MGMT: variants seen among roughly 807,000 people sequenced by gnomAD.
MGMT encodes the protein O-6-methylguanine-DNA methyltransferase.
MGMT carries 14 observed loss-of-function variants against 15.9 expected under a neutral mutation model. The observed-to-expected ratio is 0.88, with a 90% confidence interval of 0.58 to 1.37. The LOEUF (loss-of-function observed/expected upper bound fraction) is 1.37. Ranked by LOEUF, MGMT falls within the 40% of genes most tolerant of loss-of-function variation. The pLI, the probability that MGMT is intolerant of heterozygous loss-of-function variation, is 0.00. For synonymous variants in MGMT, 130 were observed against 118.2 expected (o/e 1.10, Z -0.65); for missense variants, 282 against 268.1 (o/e 1.05, Z -0.36).
chr10:129,715,379 G>A (rs1187216215), intron 3 of MGMT: 2 of 152,328 alleles, frequency 1.3e-5, no homozygotes, highest in East Asian at 3.9e-4. Context: ...TGCCTGTGAG[G>A]AAATGTAAAT....
chr10:129,490,389 A>G (rs1845457605), intron 1 of MGMT, among the ~76,000 whole-genome samples: 1 of 152,208 alleles, frequency 6.6e-6, no homozygotes, highest in African/African-American at 2.4e-5. Context: ...TTACTTGGCC[A>G]CTAAGAATCA....
chr10:129,714,669 C>T (rs7081359), intron 3 of MGMT, among the ~76,000 whole-genome samples: 58,813 of 152,068 alleles, frequency 0.39, 11,823 homozygotes, highest in East Asian at 0.54. Flanking sequence ...GATGTAGCTC[C>T]TATGAATGCT....
chr10:129,587,946 T>C (rs567556879), intron 2 of MGMT, among the ~76,000 whole-genome samples: 86 of 152,210 alleles, frequency 5.7e-4, no homozygotes, highest in Non-Finnish European at 1.0e-3. Context: ...GGGTGCTAGG[T>C]TATTTATTTA....
At chr10:129,564,907 C>T (rs1201917050) in intron 2 of MGMT, among the ~76,000 whole-genome samples, 1 of 152,084 alleles carries the variant, frequency 6.6e-6, no homozygotes, top group Non-Finnish European at 1.5e-5. Context: ...ATGGCCACTG[C>T]CCTCAGGGTC....
chr10:129,736,860 T>C (rs1457331697), intron 3 of MGMT, among the ~76,000 whole-genome samples: 27 of 147,622 alleles, frequency 1.8e-4, no homozygotes, highest in Non-Finnish European at 2.9e-4. Flanking sequence ...TTGAAAATTC[T>C]TTTCTTTAAG....
rs149985297 is a variant in MGMT, at chr10:129,534,527, G to T, written c.-12-1714G>T. ...TCTACAAAACACTTGTGTAGTTTGCGGTCCGCTGCCCGACCCTGGTCCCTT... is the reference window on the plus strand; with the variant it reads ...TCTACAAAACACTTGTGTAGTTTGCTGTCCGCTGCCCGACCCTGGTCCCTT... On this transcript the variant is annotated intron_variant, in intron 1 of 4. Coordinates refer to ENST00000651593, the MANE Select transcript of MGMT (RefSeq NM_002412.5). 7.9e-5 allele frequency among the ~76,000 whole-genome samples: 12 copies of T among 152,016 alleles called. No homozygotes were observed. In the East Asian group the frequency reaches 2.3e-3, roughly 30 times the overall value.
At chr10:129,604,535 C>T (rs922114080) in intron 2 of MGMT, among the ~76,000 whole-genome samples, 3 of 152,134 alleles carry the variant, frequency 2.0e-5, no homozygotes, top group Non-Finnish European at 4.4e-5. Context: ...TTTGGTCAAT[C>T]CATGCAAGTT....
intron 1 of MGMT, among the ~76,000 whole-genome samples, chr10:129,511,442 A>G (rs61749978): frequency 0.17 from 23,445 of 139,880 alleles, 2,496 homozygotes; most frequent in African/African-American, 0.32. Context: ...ACGCAGCCAC[A>G]TGCTTCATGT....
intron 2 of MGMT, among the ~76,000 whole-genome samples, chr10:129,669,663 T>C (rs1173143340): frequency 6.6e-6 from 1 of 152,198 alleles, no homozygotes; most frequent in Admixed American, 6.5e-5. Context: ...AGATTTCTTT[T>C]TGTACTTGCC....
intron 4 of MGMT, among the ~76,000 whole-genome samples, chr10:129,763,350 C>T (rs530387442): frequency 2.0e-5 from 3 of 152,268 alleles, no homozygotes; most frequent in South Asian, 4.1e-4. Context: ...AAACCTGCCA[C>T]CAAAATTCAC....
chr10:129,530,178 C>T (rs1394003112), intron 1 of MGMT, among the ~76,000 whole-genome samples: 5 of 150,740 alleles, frequency 3.3e-5, no homozygotes, highest in African/African-American at 5.0e-5. Flanking sequence ...TCTGGGATTA[C>T]GGGTGTGAGC....
At chr10:129,540,457 G>A (rs1846031407) in intron 2 of MGMT, among the ~76,000 whole-genome samples, 1 of 152,188 alleles carries the variant, frequency 6.6e-6, no homozygotes, top group African/African-American at 2.4e-5. Flanking sequence ...TGGTTTGGGG[G>A]AGCTTGCAGG....
At chr10:129,504,111 T>G (rs1251109938) in intron 1 of MGMT, among the ~76,000 whole-genome samples, 1 of 152,206 alleles carries the variant, frequency 6.6e-6, no homozygotes, top group African/African-American at 2.4e-5. Flanking sequence ...TGAAACACTT[T>G]AGGAGCAGTA....
intron 1 of MGMT, among the ~76,000 whole-genome samples, chr10:129,526,161 A>ACAC (rs1363299309): frequency 6.6e-6 from 1 of 152,206 alleles, no homozygotes; most frequent in East Asian, 1.9e-4. Context: ...AGCATCAGCC[A>ACAC]CACCACGTGG....
chr10:129,560,860 A>T (rs1846268276), intron 2 of MGMT, among the ~76,000 whole-genome samples: 1 of 152,160 alleles, frequency 6.6e-6, no homozygotes, highest in Non-Finnish European at 1.5e-5. Flanking sequence ...CATTGAAAGC[A>T]TCGAAATATG....
intron 2 of MGMT, among the ~76,000 whole-genome samples, chr10:129,625,077 C>T (rs1428983618): frequency 6.6e-6 from 1 of 152,060 alleles, no homozygotes; most frequent in Non-Finnish European, 1.5e-5. Context: ...AAGGAAAGAT[C>T]ACTACAGAAT....
intron 2 of MGMT, among the ~76,000 whole-genome samples, chr10:129,605,049 A>G (rs953657480): frequency 6.6e-6 from 1 of 152,294 alleles, no homozygotes; most frequent in East Asian, 1.9e-4. Context: ...AACATGAACA[A>G]TTTCAGGATG....
At position 129,559,423 on chromosome 10, in the gene MGMT, T is replaced by C. The variant is rs147660956; in HGVS notation, c.125+23046T>C. Among the ~76,000 whole-genome samples, 76 of 152,344 alleles carry C rather than the reference T, an allele frequency of 5.0e-4. No individual in the cohort carries two copies. The East Asian group carries it at 0.013, about 26-fold the overall frequency. Reference sequence around the variant, plus strand: ...TGTCTGAGTATGGAAATGGCTGGCATGGTGAAAGAATTGAGTCCTTAAGTA... The same window carrying C: ...TGTCTGAGTATGGAAATGGCTGGCACGGTGAAAGAATTGAGTCCTTAAGTA... On this transcript the variant is annotated intron_variant, in intron 2 of 4. Coordinates refer to ENST00000651593, the MANE Select transcript of MGMT (RefSeq NM_002412.5).
At chr10:129,655,714 C>T (rs1056503347) in intron 2 of MGMT, among the ~76,000 whole-genome samples, 2 of 152,144 alleles carry the variant, frequency 1.3e-5, no homozygotes, top group African/African-American at 4.8e-5. Context: ...GGGAGCTGTT[C>T]CTCAGTATAG....
Sources: allele counts gnomAD v4.1 joint callset (sites outside exome capture counted in the v4.1 genomes callset), GRCh38; gene constraint gnomAD v4.1.1; transcripts MANE v1.5; gene names NCBI Gene and HGNC (gene_info 2026-07-23, HGNC 2026-07-21).